LRRC27: variants seen among roughly 807,000 people sequenced by gnomAD.
LRRC27 encodes the protein leucine-rich repeat-containing protein 27.
A neutral mutation model predicts 55.0 loss-of-function variants in LRRC27; 57 were observed. The ratio of observed to expected loss-of-function variants is 1.04; its 90% CI spans 0.84 to 1.29. The LOEUF (loss-of-function observed/expected upper bound fraction) is 1.29. Ranked by LOEUF, LRRC27 falls within the 50% of genes most tolerant of loss-of-function variation. LRRC27 has a pLI of 0.00. For missense variants in LRRC27, 721 were observed against 651.5 expected, an observed-to-expected ratio of 1.11 and a Z score of -1.16; for synonymous variants, 278 against 251.9, an observed-to-expected ratio of 1.10 and a Z score of -0.98.
upstream of LRRC27, chr10:132,330,169 A>G (rs188952222): frequency 7.2e-6 from 3 of 419,042 alleles, no homozygotes; most frequent in Admixed American, 1.1e-4. Context: ...AACTGAGCAC[A>G]GTAAAGGGCA....
chr10:132,367,772 C>G (rs541647589), intron 10 of LRRC27, among the ~76,000 whole-genome samples: 1 of 152,324 alleles, frequency 6.6e-6, no homozygotes, highest in South Asian at 2.1e-4. Flanking sequence ...TGGCAAGAAA[C>G]TAGAAGCTTT....
intron 3 of LRRC27, among the ~76,000 whole-genome samples, chr10:132,338,536 C>T (rs1460883962): frequency 6.6e-6 from 1 of 152,012 alleles, no homozygotes; most frequent in Non-Finnish European, 1.5e-5. Context: ...GGAAACGTCA[C>T]ACCTCCTTTC....
chr10:132,355,050 G>C (rs1179151140), intron 7 of LRRC27, among the ~76,000 whole-genome samples: 2 of 152,208 alleles, frequency 1.3e-5, no homozygotes, highest in Admixed American at 1.3e-4. Context: ...TGCAGACTGC[G>C]GAGGCCCGAA....
rs1365846645 is a variant in LRRC27 at position 132,372,125 on chromosome 10, G to A, written c.1417-2941G>A. On this transcript the variant is annotated intron_variant, in intron 10 of 10. Transcript: ENST00000368614. This position sits in a 1 kb window ranked among gnomAD's most constrained non-coding sequence, Gnocchi z 4.0. The stretch of plus-strand genomic sequence containing the variant: ...AAGGATGGGAAGTGGGGGTCGGGGT[G>A]CGGTGGCTCACGCCTGCAATCCCAG... Among the ~76,000 whole-genome samples, 1 of 152,172 alleles carries A rather than the reference G, an allele frequency of 6.6e-6. No individual in the cohort carries two copies. Among genetic ancestry groups the A allele is most frequent in the Non-Finnish European group, 1.5e-5 (1 of 68,016 alleles).
At position 132,374,508 on chromosome 10, in the gene LRRC27, G is replaced by C. The variant is rs1174236577; in HGVS notation, c.1417-558G>C. Reference sequence around the variant, plus strand: ...CAGGGGATTGGCCGTGGACCATGAGGTTTGGAACAGAAAGCCTGCCCCTGG... The same window carrying C: ...CAGGGGATTGGCCGTGGACCATGAGCTTTGGAACAGAAAGCCTGCCCCTGG... On this transcript the variant is annotated intron_variant, in intron 10 of 10. Coordinates refer to ENST00000368614, the MANE Select transcript of LRRC27 (RefSeq NM_030626.3). This position sits in a 1 kb window ranked among gnomAD's most constrained non-coding sequence, Gnocchi z 4.4. Among the ~76,000 whole-genome samples the C allele has an allele frequency of 6.6e-6, 1 of 152,186 alleles. No homozygotes were observed. Among genetic ancestry groups the C allele is most frequent in the African/African-American group, 2.4e-5 (1 of 41,446 alleles).
In LRRC27 at chr10:132,365,553, A is replaced by C. The variant is rs770051351; in HGVS notation, c.1416+3A>C. 6.2e-7 allele frequency: 1 copy of C among 1,612,612 alleles called. No homozygotes were observed. Among genetic ancestry groups the C allele is most frequent in the South Asian group, 1.1e-5 (1 of 90,946 alleles). ...AGGCTGCCGAGGATCTGGAAATTGT[A>C]AGGATTTCTTGGTTCTGTTTAAAAA... On this transcript the variant is annotated splice_donor_region_variant and intron_variant, in intron 10 of 10. Coordinates refer to ENST00000368614, the MANE Select transcript of LRRC27 (RefSeq NM_030626.3).
intron 7 of LRRC27, 54 bp downstream of exon 7, chr10:132,351,807 G>A: frequency 6.5e-7 from 1 of 1,544,696 alleles, no homozygotes; most frequent in South Asian, 1.2e-5. Context: ...ACCCGGAACT[G>A]GGACTGGGCT....
chr10:132,369,021 A>G (rs2133100076), intron 10 of LRRC27, among the ~76,000 whole-genome samples: 1 of 152,388 alleles, frequency 6.6e-6, no homozygotes, highest in Non-Finnish European at 1.5e-5. Flanking sequence ...AAGAAGATGC[A>G]TGGATGGCAG....
intron 3 of LRRC27, 144 bp from the exon 4 acceptor site, chr10:132,342,069 G>GTGT (rs1437830543): frequency 1.7e-6 from 1 of 596,420 alleles, no homozygotes; most frequent in Admixed American, 3.1e-5. Flanking sequence ...CAGACCATTT[G>GTGT]TGTGTACATG....
At chr10:132,331,883 C>G, upstream of LRRC27, 5 of 1,047,506 alleles carry the variant, frequency 4.8e-6, no homozygotes, top group Non-Finnish European at 6.7e-6. Flanking sequence ...GCAGGCGCAC[C>G]ACCCCCTGCC....
chr10:132,338,717 T>A (rs2067248606), intron 3 of LRRC27, among the ~76,000 whole-genome samples: 1 of 150,458 alleles, frequency 6.6e-6, no homozygotes. Flanking sequence ...TTTCTTTTTT[T>A]TTTTTTTTTT....
intron 8 of LRRC27, 63 bp downstream of exon 8, chr10:132,355,949 AGG>A: frequency 8.6e-7 from 1 of 1,168,134 alleles, no homozygotes; most frequent in Non-Finnish European, 1.2e-6. Context: ...GGGTGCTCAC[AGG>A]CATCCCTGTC....
chr10:132,371,258 G>T (rs1247326015), intron 10 of LRRC27, among the ~76,000 whole-genome samples: 1 of 152,232 alleles, frequency 6.6e-6, no homozygotes, highest in Admixed American at 6.5e-5. Context: ...AGCCTGGCCT[G>T]TGGGAGAAGG....
intron 2 of LRRC27, chr10:132,337,269 A>G: frequency 8.3e-7 from 1 of 1,206,024 alleles, no homozygotes; most frequent in Non-Finnish European, 1.0e-6. Flanking sequence ...AATTCAGACC[A>G]TGTCAAAGGC....
chr10:132,336,807 G>T (rs184896729), intron 2 of LRRC27: 3 of 767,246 alleles, frequency 3.9e-6, no homozygotes, highest in African/African-American at 3.4e-5. Context: ...ATACAGATAT[G>T]GATATAAATA....
chr10:132,331,578 A>G, upstream of LRRC27: 18 of 1,612,914 alleles, frequency 1.1e-5, no homozygotes, highest in Non-Finnish European at 1.5e-5. Context: ...TGGCTCCAGG[A>G]AGCCCCAGGA....
intron 10 of LRRC27, among the ~76,000 whole-genome samples, chr10:132,367,478 G>A (rs1270777736): frequency 6.6e-6 from 1 of 152,208 alleles, no homozygotes; most frequent in East Asian, 1.9e-4. Flanking sequence ...TATCGCTCAT[G>A]AATGTAGACG....
chr10:132,364,657 C>A (rs1390958340), intron 9 of LRRC27, among the ~76,000 whole-genome samples: 2 of 122,960 alleles, frequency 1.6e-5, no homozygotes, highest in South Asian at 5.4e-4. Context: ...CCCACACTTA[C>A]ATCTACCTGC....
chr10:132,346,686 A>G (rs1217537840), intron 5 of LRRC27, among the ~76,000 whole-genome samples: 1 of 152,104 alleles, frequency 6.6e-6, no homozygotes, highest in African/African-American at 2.4e-5. Context: ...TAAATAAATA[A>G]AAGTCTTTTT....
Sources: gnomAD v4.1 joint callset for allele counts (sites outside exome capture counted in the v4.1 genomes callset) on GRCh38, gnomAD v4.1.1 for gene constraint, Gnocchi (gnomAD v3.1) non-coding constraint, MANE v1.5 for transcripts, NCBI Gene and HGNC (gene_info 2026-07-23, HGNC 2026-07-21) for gene names.